B4GALNT3: variants seen among roughly 807,000 people sequenced by gnomAD.
The protein encoded by B4GALNT3 is beta-1,4-N-acetylgalactosaminyltransferase 3.
Under a neutral mutation model 120.2 loss-of-function variants are expected in B4GALNT3, and 86 were observed. The ratio of observed to expected loss-of-function variants is 0.72; its 90% confidence interval spans 0.60 to 0.86. The LOEUF is 0.86. Ranked by LOEUF, B4GALNT3 falls within the 40% of genes least tolerant of loss-of-function variation. The pLI is 0.00. For missense variants in B4GALNT3, 1,167 were observed against 1,298.9 expected (o/e 0.90, Z 1.56); for synonymous variants, 518 against 510.4 (o/e 1.01, Z -0.20).
chr12:470,477 G>A (rs1383104069), intron 1 of B4GALNT3, among the ~76,000 whole-genome samples: 1 of 152,246 alleles, frequency 6.6e-6, no homozygotes, highest in Non-Finnish European at 1.5e-5. Context: ...AAGGTGGGCA[G>A]GAGGATGAGG....
chr12:462,706 A>G (rs1447052762), intron 1 of B4GALNT3, among the ~76,000 whole-genome samples: 1 of 151,964 alleles, frequency 6.6e-6, no homozygotes, highest in African/African-American at 2.4e-5. Flanking sequence ...TCTATTGTGC[A>G]GGGTGTCTTT....
intron 1 of B4GALNT3, among the ~76,000 whole-genome samples, chr12:500,795 C>G (rs936835345): frequency 1.3e-5 from 2 of 149,216 alleles, no homozygotes; most frequent in African/African-American, 4.9e-5. Flanking sequence ...GCTCAATGCC[C>G]GTATTATGGT....
chr12:560,887 G>A lies in B4GALNT3; in HGVS notation c.2889-456G>A, dbSNP rs531178455. 2.5e-4 allele frequency among the ~76,000 whole-genome samples: 38 copies of A among 152,304 alleles called. 1 individual carries two copies. The South Asian group carries it at 3.7e-3, about 15-fold the overall frequency. On this transcript the variant is annotated intron_variant, in intron 19 of 19. Transcript: ENST00000266383. ...CAAAAGGCCTGGGGAGGGCCTAGGC[G>A]CCAGGTGTCTCAGTGCAGCAGCCCT... is the stretch of plus-strand genomic sequence containing the variant.
intron 1 of B4GALNT3, among the ~76,000 whole-genome samples, chr12:474,438 T>C (rs567304512): frequency 6.6e-6 from 1 of 152,270 alleles, no homozygotes; most frequent in African/African-American, 2.4e-5. Flanking sequence ...CCCCATGAGA[T>C]TGTAAATTTC....
chr12:475,805 G>T (rs1946179297), intron 1 of B4GALNT3, among the ~76,000 whole-genome samples: 1 of 152,174 alleles, frequency 6.6e-6, no homozygotes, highest in South Asian at 2.1e-4. Context: ...CAGCTAGGTT[G>T]CTAGAGAAGC....
intron 1 of B4GALNT3, among the ~76,000 whole-genome samples, chr12:515,972 C>T (rs1244444659): frequency 1.4e-5 from 2 of 143,316 alleles, no homozygotes; most frequent in Admixed American, 6.9e-5. Context: ...CCCATCTCTA[C>T]TAAAAACACA....
At chr12:471,760 C>A (rs980618681) in intron 1 of B4GALNT3, among the ~76,000 whole-genome samples, 22 of 151,106 alleles carry the variant, frequency 1.5e-4, no homozygotes, top group African/African-American at 5.2e-4. Context: ...CTACATCATT[C>A]TTCTGCATTT....
intron 1 of B4GALNT3, among the ~76,000 whole-genome samples, chr12:500,672 C>T (rs759984665): frequency 2.7e-4 from 41 of 151,964 alleles, no homozygotes; most frequent in Non-Finnish European, 5.0e-4. Flanking sequence ...GTGGGTGCCC[C>T]AACCCGGGAC....
chr12:552,026 ACTCTCTTACT>A (rs1230625652), intron 11 of B4GALNT3, 27 bp from the exon 12 acceptor site: 2 of 1,460,706 alleles, frequency 1.4e-6, no homozygotes, highest in Non-Finnish European at 9.6e-7. Context: ...CCAAGATCTC[ACTCTCTTACT>A]CCTGCTGCTG....
At chr12:512,171 C>T (rs1489985916) in intron 1 of B4GALNT3, among the ~76,000 whole-genome samples, 15 of 78,008 alleles carry the variant, frequency 1.9e-4, no homozygotes, top group East Asian at 1.4e-3. Context: ...TTCCACCTTC[C>T]GCCTTCCGCC....
In B4GALNT3 at chr12:550,973, A is replaced by G. The variant is rs1947075524; in HGVS notation, c.1049A>G (p.Tyr350Cys). The change falls in exon 11 of 20, where the codon TAC (tyrosine) becomes TGC (cysteine). Residue 350 changes from tyrosine to cysteine, a missense_variant. By Grantham distance (194) the Tyr-to-Cys change is radical (BLOSUM62 -2). Transcript: ENST00000266383. This position sits in a 1 kb window ranked among gnomAD's most constrained non-coding sequence, Gnocchi z 4.1. ...CGCCACGTCCTGCCTGACTGTCCCTACAAACCCAGCTATCTGGTGGATGGG... is the reference window on the plus strand; with the variant it reads ...CGCCACGTCCTGCCTGACTGTCCCTGCAAACCCAGCTATCTGGTGGATGGG... Reference protein sequence around the residue: ...HLRHVLPDCPYKPSYLVDGLP... With the variant: ...HLRHVLPDCPCKPSYLVDGLP... The G allele has an allele frequency of 6.2e-7, 1 of 1,613,970 alleles. No individual in the cohort carries two copies. Among genetic ancestry groups the G allele is most frequent in the Non-Finnish European group, 8.5e-7 (1 of 1,179,982 alleles).
At chr12:537,604 A>G (rs1946874111) in intron 3 of B4GALNT3, among the ~76,000 whole-genome samples, 1 of 152,228 alleles carries the variant, frequency 6.6e-6, no homozygotes, top group South Asian at 2.1e-4. Context: ...AAGGAAGTTA[A>G]TTAACATACA....
At chr12:539,281 C>T (rs1347959922) in intron 3 of B4GALNT3, among the ~76,000 whole-genome samples, 3 of 152,224 alleles carry the variant, frequency 2.0e-5, no homozygotes, top group Non-Finnish European at 2.9e-5. Context: ...CGCTCATTAA[C>T]AAACCCCAGT....
intron 1 of B4GALNT3, among the ~76,000 whole-genome samples, chr12:527,995 G>A (rs1484197871): frequency 1.3e-5 from 2 of 151,872 alleles, no homozygotes; most frequent in Non-Finnish European, 2.9e-5. Context: ...GGGGAACAGG[G>A]GTAGCTGGTG....
At chr12:515,971 A>G (rs1019975104) in intron 1 of B4GALNT3, among the ~76,000 whole-genome samples, 2 of 144,918 alleles carry the variant, frequency 1.4e-5, no homozygotes, top group Admixed American at 6.9e-5. Context: ...CCCCATCTCT[A>G]CTAAAAACAC....
intron 1 of B4GALNT3, among the ~76,000 whole-genome samples, chr12:515,247 G>A (rs1213814429): frequency 5.3e-5 from 8 of 152,022 alleles, no homozygotes; most frequent in East Asian, 3.9e-4. Flanking sequence ...GTGCAGTGGC[G>A]CAATCTTGGC....
intron 1 of B4GALNT3, among the ~76,000 whole-genome samples, chr12:485,691 T>G (rs981705675): frequency 6.6e-6 from 1 of 152,172 alleles, no homozygotes; most frequent in Non-Finnish European, 1.5e-5. Context: ...CACGGAACTG[T>G]TCGTGTAAAA....
intron 1 of B4GALNT3, among the ~76,000 whole-genome samples, chr12:531,487 A>AT (rs879352072): frequency 9.8e-4 from 147 of 149,574 alleles, no homozygotes; most frequent in African/African-American, 3.1e-3. Flanking sequence ...CATCTCTAAA[A>AT]TTTTTTTTTT....
At chr12:479,228 A>G (rs1157502857) in intron 1 of B4GALNT3, among the ~76,000 whole-genome samples, 1 of 152,092 alleles carries the variant, frequency 6.6e-6, no homozygotes. Flanking sequence ...TATTATTTAA[A>G]TGAAGCAGGG....
Sources: allele counts gnomAD v4.1 joint callset (sites outside exome capture counted in the v4.1 genomes callset), GRCh38; gene constraint gnomAD v4.1.1; non-coding constraint Gnocchi (gnomAD v3.1); transcripts MANE v1.5; gene names NCBI Gene and HGNC (gene_info 2026-07-23, HGNC 2026-07-21).